LARS2: variants seen among roughly 807,000 people sequenced by gnomAD.
The protein encoded by LARS2 is leucine--tRNA ligase, mitochondrial.
A neutral mutation model predicts 116.6 loss-of-function variants in LARS2; 81 were observed. The observed-to-expected ratio is 0.69, with a 90% confidence interval of 0.58 to 0.84. The LOEUF (loss-of-function observed/expected upper bound fraction) is 0.84. Among genes scored for constraint, LARS2 ranks in the 40% least tolerant of loss-of-function variants. LARS2 has a pLI of 0.00. For missense variants in LARS2, 968 were observed against 1,114.5 expected, an observed-to-expected ratio of 0.87 and a Z score of 1.87; for synonymous variants, 396 against 407.2, an observed-to-expected ratio of 0.97 and a Z score of 0.33.
intron 6 of LARS2, among the ~76,000 whole-genome samples, chr3:45,429,577 CCTT>C (rs142439649): frequency 0.011 from 1,730 of 152,204 alleles, 14 homozygotes; most frequent in Non-Finnish European, 0.019. Context: ...TTTAGGATAC[CCTT>C]CTTATTTTAA....
intron 20 of LARS2, among the ~76,000 whole-genome samples, chr3:45,528,856 A>G (rs1700572635): frequency 7.4e-6 from 1 of 135,322 alleles, no homozygotes; most frequent in Non-Finnish European, 1.5e-5. Flanking sequence ...GGGCCATTAA[A>G]TACTTTTCTA....
chr3:45,476,414 C>G, intron 9 of LARS2, 54 bp from the exon 10 acceptor site: 1 of 1,592,454 alleles, frequency 6.3e-7, no homozygotes, highest in Non-Finnish European at 8.6e-7. Context: ...TAGGGAGCAA[C>G]ACAGCCCAAA....
Position 45,500,501 on chromosome 3 carries a change from A to G in LARS2, c.1682A>G (p.Lys561Arg). ...WMPVDLYIGG[K>R]EHAVMHLFYA... The stretch of plus-strand genomic sequence containing the variant: ...CCTGTGGATTTGTACATTGGAGGGA[A>G]AGAACATGCCGTCATGCACTTGTTC... Residue 561 changes from lysine to arginine, a missense_variant, in exon 15 of 22, where the codon AAA becomes AGA. Coordinates refer to ENST00000645846, the MANE Select transcript of LARS2 (RefSeq NM_015340.4). 6.2e-7 allele frequency: 1 copy of G among 1,601,536 alleles called. No homozygotes were observed. Among genetic ancestry groups the G allele is most frequent in the South Asian group, 1.1e-5 (1 of 88,064 alleles).
intron 4 of LARS2, 60 bp downstream of exon 4, chr3:45,400,433 T>A: frequency 6.6e-7 from 1 of 1,521,362 alleles, no homozygotes; most frequent in South Asian, 1.3e-5. Context: ...TGGCATGTAG[T>A]AATATGTGTT....
At chr3:45,511,704 T>G (rs1339089739) in intron 15 of LARS2, among the ~76,000 whole-genome samples, 3 of 151,524 alleles carry the variant, frequency 2.0e-5, no homozygotes, top group Non-Finnish European at 4.4e-5. Context: ...TGCCACTTGA[T>G]AAAATACAAG....
In LARS2 at chr3:45,547,429, C is replaced by T; in HGVS notation, c.2611C>T (p.Leu871Phe). 1 of 1,613,912 alleles carries T rather than the reference C, an allele frequency of 6.2e-7. No individual in the cohort carries two copies. Among genetic ancestry groups the T allele is most frequent in the Non-Finnish European group, 8.5e-7 (1 of 1,179,920 alleles). The change falls in exon 22 of 22, where the codon CTT becomes TTT. Residue 871 changes from leucine to phenylalanine, a missense_variant. By Grantham distance (22) the Leu-to-Phe change is conservative. Coordinates refer to ENST00000645846, the MANE Select transcript of LARS2 (RefSeq NM_015340.4). ...RDQDKVHEFV[L>F]QSELGVRLLQ... The stretch of plus-strand genomic sequence containing the variant: ...CCAGGACAAAGTCCACGAATTTGTT[C>T]TTCAAAGCGAGCTGGGTGTCAGGCT...
At chr3:45,493,608 T>A (rs1221511891) in intron 13 of LARS2, among the ~76,000 whole-genome samples, 2 of 152,204 alleles carry the variant, frequency 1.3e-5, no homozygotes, top group East Asian at 3.9e-4. Context: ...ATCGGTCTCA[T>A]AATCCCCAGG....
rs895191785 is a variant in LARS2 at position 45,458,950 on chromosome 3, T to G, written c.750+64T>G. On this transcript the variant is annotated intron_variant, in intron 8 of 21. Transcript: ENST00000645846. ...ATGCTGGCAGGCAACACCAAAGGCT[T>G]CTGGGTATGAGAGAGCCTCACTGTT... 9.1e-6 allele frequency: 14 copies of G among 1,538,030 alleles called. No individual in the cohort carries two copies. The African/African-American group carries it at 1.6e-4, about 18-fold the overall frequency.
chr3:45,448,277 A>C (rs896942381), intron 7 of LARS2, among the ~76,000 whole-genome samples: 9 of 152,222 alleles, frequency 5.9e-5, no homozygotes, highest in Non-Finnish European at 1.3e-4. Context: ...ACCAAAACAC[A>C]TGACCAGATG....
Position 45,513,651 on chromosome 3 carries a change from T to TGG in LARS2, c.1861+421_1861+422dup, listed in dbSNP as rs541585528. On this transcript the variant is annotated intron_variant, in intron 16 of 21. Coordinates refer to ENST00000645846, the MANE Select transcript of LARS2 (RefSeq NM_015340.4). ...GTTCTAGTGGCACATTTCAGAACCT[T>TGG]GGGGGGCAGCACTCGGTTTACTCGT... Among the ~76,000 whole-genome samples, 371 of 152,238 alleles carry TGG rather than the reference T, an allele frequency of 2.4e-3. 12 individuals are homozygous for TGG. The South Asian group carries it at 0.07, about 29-fold the overall frequency.
chr3:45,449,574 C>T (rs1699091765), intron 7 of LARS2, among the ~76,000 whole-genome samples: 1 of 152,132 alleles, frequency 6.6e-6, no homozygotes, highest in South Asian at 2.1e-4. Context: ...TCTGAAATGT[C>T]CCACCTCTTA....
At chr3:45,522,097 T>C (rs1049871459) in intron 19 of LARS2, among the ~76,000 whole-genome samples, 1 of 152,070 alleles carries the variant, frequency 6.6e-6, no homozygotes, top group Admixed American at 6.6e-5. Context: ...AAAGCGAGAC[T>C]CTCTCTCAAA....
At chr3:45,459,897 C>T (rs2125710896) in intron 8 of LARS2, among the ~76,000 whole-genome samples, 1 of 152,310 alleles carries the variant, frequency 6.6e-6, no homozygotes, top group Middle Eastern at 3.4e-3. Context: ...GTGGTAGTCA[C>T]CATAAGAAGT....
Position 45,547,350 on chromosome 3 carries a change from GATCAACAA to G in LARS2, c.2533_2540del (p.Ile845Ter), listed in dbSNP as rs748947253. The G allele has an allele frequency of 1.9e-6, 3 of 1,603,264 alleles. No homozygotes were observed. The South Asian group carries it at 3.4e-5, about 18-fold the overall frequency. On this transcript the variant is annotated frameshift_variant and splice_region_variant, in exon 22 of 22. Coordinates refer to ENST00000645846, the MANE Select transcript of LARS2 (RefSeq NM_015340.4). LOFTEE classifies it high-confidence loss of function. ...TTTATCTTGGCTTTTCTCCTTCTCA[GATCAACAA>G]TAAAGCTTGTGGCAAAATTCCTGTG...
At position 45,482,405 on chromosome 3, in the gene LARS2, A is replaced by T. The variant is rs185995377; in HGVS notation, c.1019-3287A>T. Among the ~76,000 whole-genome samples the T allele has an allele frequency of 4.6e-4, 70 of 152,222 alleles. No homozygotes were observed. In the East Asian group the frequency reaches 0.013, roughly 28 times the overall value. ...GGGTTCTTTTGGTCAAAGGTTACAA[A>T]CATTTTTCTATTTTTCTATTTTCTA... On this transcript the variant is annotated intron_variant, in intron 10 of 21. Coordinates refer to ENST00000645846, the MANE Select transcript of LARS2 (RefSeq NM_015340.4).
At chr3:45,464,132 G>A (rs1370678243) in intron 8 of LARS2, among the ~76,000 whole-genome samples, 1 of 152,104 alleles carries the variant, frequency 6.6e-6, no homozygotes, top group Non-Finnish European at 1.5e-5. Context: ...TGAGCTTGTG[G>A]GTAAAGCAGA....
At chr3:45,524,948 T>G (rs1414082070) in intron 20 of LARS2, among the ~76,000 whole-genome samples, 1 of 152,232 alleles carries the variant, frequency 6.6e-6, no homozygotes, top group African/African-American at 2.4e-5. Context: ...ACTTTATGCC[T>G]ACAGGAAATA....
At chr3:45,423,978 A>G (rs1205013400) in intron 6 of LARS2, among the ~76,000 whole-genome samples, 3 of 152,162 alleles carry the variant, frequency 2.0e-5, no homozygotes, top group African/African-American at 7.2e-5. Context: ...AGTTGCCAGG[A>G]TAGTACAGAG....
In LARS2 at chr3:45,516,082, T is replaced by C. The variant is rs972686689; in HGVS notation, c.1862-12T>C. 21 of 1,611,586 alleles carry C rather than the reference T, an allele frequency of 1.3e-5. No homozygotes were observed. The highest frequency in any genetic ancestry group is 5.3e-5 in the African/African-American group (4 of 74,900). On this transcript the variant is annotated splice_polypyrimidine_tract_variant and intron_variant, in intron 16 of 21. Transcript: ENST00000645846. The stretch of plus-strand genomic sequence containing the variant: ...GACACATACCATACCTATGGATTAT[T>C]TTGGCATCTAGGTTCCGTTCCTGTT...
Sources: allele counts gnomAD v4.1 joint callset (sites outside exome capture counted in the v4.1 genomes callset), GRCh38; gene constraint gnomAD v4.1.1; transcripts MANE v1.5; gene names NCBI Gene and HGNC (gene_info 2026-07-23, HGNC 2026-07-21).